The following PHKG2 variants were observed in gnomAD, a reference collection of about 807,000 sequenced individuals.
PHKG2 encodes the protein phosphorylase b kinase gamma catalytic chain, liver/testis isoform.
A neutral mutation model predicts 44.5 loss-of-function variants in PHKG2; 28 were observed. The observed-to-expected ratio is 0.63, with a 90% confidence interval of 0.47 to 0.86. PHKG2 has a LOEUF of 0.86. Among genes scored for constraint, PHKG2 ranks in the 40% least tolerant of loss-of-function variants. The pLI is 0.00. For missense variants in PHKG2, 498 were observed against 547.5 expected, an observed-to-expected ratio of 0.91 and a Z score of 0.90; for synonymous variants, 220 against 211.2, an observed-to-expected ratio of 1.04 and a Z score of -0.36.
At chr16:30,753,072 C>T in intron 4 of PHKG2, 160 bp from the exon 5 acceptor site, 1 of 701,334 alleles carries the variant, frequency 1.4e-6, no homozygotes, top group Non-Finnish European at 2.6e-6. Context: ...CACACCAGGC[C>T]AAACTGCCTT....
At chr16:30,756,122 A>G in intron 6 of PHKG2, 60 bp from the exon 7 acceptor site, 1 of 1,241,290 alleles carries the variant, frequency 8.1e-7, no homozygotes, top group Non-Finnish European at 1.2e-6. Context: ...GCAGAGATCC[A>G]GTGCTAAGGG....
chr16:30,749,965 A>AGG (rs568266490), intron 2 of PHKG2, among the ~76,000 whole-genome samples: 1 of 107,614 alleles, frequency 9.3e-6, no homozygotes, highest in African/African-American at 2.9e-5. Flanking sequence ...GTAGGAGTTC[A>AGG]GGGGGGGGTC....
intron 7 of PHKG2, 22 bp from the exon 8 acceptor site, chr16:30,756,345 C>T: frequency 3.1e-6 from 5 of 1,614,178 alleles, no homozygotes; most frequent in Non-Finnish European, 3.4e-6. Context: ...CTAGTCCCGC[C>T]TGACTCCAGT....
chr16:30,748,694 C>T (rs2053287253), intron 1 of PHKG2, 109 bp from the exon 2 acceptor site: 2 of 447,942 alleles, frequency 4.5e-6, no homozygotes, highest in East Asian at 4.5e-5. Flanking sequence ...CCCCACCCCC[C>T]AGGACCCTGG....
chr16:30,749,139 C>CTGG lies in PHKG2; in HGVS notation c.95+227_95+229dup, dbSNP rs1414193475. Among the ~76,000 whole-genome samples, 100 of 76,024 alleles carry CTGG rather than the reference C, an allele frequency of 1.3e-3. 11 individuals are homozygous for CTGG. In the East Asian group the frequency reaches 0.016, roughly 12 times the overall value. The allele number at this position is 76,024 out of a possible 152,430, so 49.9% of individuals were successfully genotyped here. A position where few individuals can be genotyped will look rare whatever the true frequency, so the allele number is the denominator to read the frequency against. ...GGTGCTGGTGCTGGTGGTGGTGGTG[C>CTGG]TGGTGCTGGTGGTGGTGCTGGTGGT... On this transcript the variant is annotated intron_variant, in intron 2 of 9. Transcript: ENST00000563588.
At position 30,757,762 on chromosome 16, in the gene PHKG2, T is replaced by C. The variant is rs549706731; in HGVS notation, c.*665T>C. 1.9e-4 allele frequency: 283 copies of C among 1,463,108 alleles called. No individual in the cohort carries two copies. Among genetic ancestry groups the C allele is most frequent in the Middle Eastern group, 7.6e-4 (3 of 3,960 alleles). The allele number at this position is 1,463,108 out of a possible 1,614,324, so 90.6% of individuals were successfully genotyped here. On this transcript the variant is annotated 3_prime_UTR_variant, in exon 10 of 10. Coordinates refer to ENST00000563588, the MANE Select transcript of PHKG2 (RefSeq NM_000294.3). ...CCCCAAATTTCCCCTGGTGGGGATATAGAGGTAGCAATGTTGTTTCCCTTT... is the reference window on the plus strand; with the variant it reads ...CCCCAAATTTCCCCTGGTGGGGATACAGAGGTAGCAATGTTGTTTCCCTTT...
chr16:30,757,718 C>G lies in PHKG2; in HGVS notation c.*621C>G. The G allele has an allele frequency of 6.5e-7, 1 of 1,528,480 alleles. No individual in the cohort carries two copies. The highest frequency in any genetic ancestry group is 1.4e-5 in the African/African-American group (1 of 72,406). The allele number at this position is 1,528,480 out of a possible 1,614,324, so 94.7% of individuals were successfully genotyped here. The stretch of plus-strand genomic sequence containing the variant: ...TGCTGTCTGGCAATGGGGGGATGGT[C>G]CCTAGTTGGGCAAACAGTCCCCAAA... On this transcript the variant is annotated 3_prime_UTR_variant, in exon 10 of 10. Coordinates refer to ENST00000563588, the MANE Select transcript of PHKG2 (RefSeq NM_000294.3).
In PHKG2 at chr16:30,756,349, C is replaced by G; in HGVS notation, c.648-18C>G. The G allele has an allele frequency of 6.2e-7, 1 of 1,614,194 alleles. No individual in the cohort carries two copies. Among genetic ancestry groups the G allele is most frequent in the Non-Finnish European group, 8.5e-7 (1 of 1,180,026 alleles). On this transcript the variant is annotated intron_variant, in intron 7 of 9. Transcript: ENST00000563588. ...CTGCCCGTCACCTAGTCCCGCCTGA[C>G]TCCAGTCTCTTTCCCAGCTGGGCCT... is the stretch of plus-strand genomic sequence containing the variant.
At position 30,756,582 on chromosome 16, in the gene PHKG2, T is replaced by G; in HGVS notation, c.802-8T>G. ...AGAGCTGCCCCTCATGCTCTGGGTC[T>G]CTCCTAGATCTCCAGGCTGCTGCAG... On this transcript the variant is annotated splice_region_variant and splice_polypyrimidine_tract_variant and intron_variant, in intron 8 of 9. Transcript: ENST00000563588. The G allele has an allele frequency of 6.2e-7, 1 of 1,613,670 alleles. No individual in the cohort carries two copies. Among genetic ancestry groups the G allele is most frequent in the Non-Finnish European group, 8.5e-7 (1 of 1,179,996 alleles).
intron 2 of PHKG2, among the ~76,000 whole-genome samples, chr16:30,750,102 G>A (rs573102395): frequency 3.3e-5 from 5 of 152,272 alleles, no homozygotes; most frequent in South Asian, 2.1e-4. Context: ...TAGTGGTTGC[G>A]CAGGAAATTG....
rs1188121738 is a variant in PHKG2 at position 30,748,504 on chromosome 16, A to G, written c.-19+14A>G. The stretch of plus-strand genomic sequence containing the variant: ...CTGCCCCCTCAGGTGAGCCTGCGCT[A>G]GACCCCCGTCCCCTTCCTGCGCCCG... On this transcript the variant is annotated intron_variant, in intron 1 of 9. Transcript: ENST00000563588. 4.6e-6 allele frequency: 2 copies of G among 438,612 alleles called. No individual in the cohort carries two copies. The highest frequency in any genetic ancestry group is 8.3e-6 in the Non-Finnish European group (2 of 241,294). The allele number at this position is 438,612 out of a possible 1,614,324, so 27.2% of individuals were successfully genotyped here. A position where few individuals can be genotyped will look rare whatever the true frequency, so the allele number is the denominator to read the frequency against.
intron 4 of PHKG2, chr16:30,751,939 A>C: frequency 3.0e-6 from 1 of 328,912 alleles, no homozygotes; most frequent in Non-Finnish European, 6.0e-6. Flanking sequence ...TAAAAATACA[A>C]AAAATCAGCC....
In PHKG2 at chr16:30,757,867, C is replaced by G; in HGVS notation, c.*770C>G. The G allele has an allele frequency of 7.4e-7, 1 of 1,346,110 alleles. No homozygotes were observed. Among genetic ancestry groups the G allele is most frequent in the Non-Finnish European group, 9.7e-7 (1 of 1,036,208 alleles). 83.4% of individuals were successfully genotyped at this position (1,346,110 alleles called of 1,614,324 possible). A position where few individuals can be genotyped will look rare whatever the true frequency, so the allele number is the denominator to read the frequency against. ...GGACTTTGCAGCTTCAAATTCTGAT[C>G]CCTACTCAGTAGCTGTGTGACCTTA... On this transcript the variant is annotated 3_prime_UTR_variant, in exon 10 of 10. Coordinates refer to ENST00000563588, the MANE Select transcript of PHKG2 (RefSeq NM_000294.3).
Position 30,759,668 on chromosome 16 carries a change from A to C in PHKG2, c.*2571A>C. The C allele has an allele frequency of 1.2e-6, 2 of 1,613,970 alleles. No individual in the cohort carries two copies. The highest frequency in any genetic ancestry group is 1.7e-6 in the Non-Finnish European group (2 of 1,180,006). Reference sequence around the variant, plus strand: ...GGGGAACTGACCCTGACTCCATGGCAAAAAAGGACACTGGTGAAGTAGCGG... The same window carrying C: ...GGGGAACTGACCCTGACTCCATGGCCAAAAAGGACACTGGTGAAGTAGCGG... On this transcript the variant is annotated 3_prime_UTR_variant, in exon 10 of 10. Transcript: ENST00000563588.
chr16:30,753,381 C>T lies in PHKG2; in HGVS notation c.393-13C>T. On this transcript the variant is annotated splice_polypyrimidine_tract_variant and intron_variant, in intron 5 of 9. Transcript: ENST00000563588. ...GCCGAGGAGGAGACTGCACCCGCCT[C>T]CCCTTCCCCCAGGTCCATCATGCGG... 6.2e-7 allele frequency: 1 copy of T among 1,614,132 alleles called. No individual in the cohort carries two copies. Among genetic ancestry groups the T allele is most frequent in the Non-Finnish European group, 8.5e-7 (1 of 1,180,006 alleles).
At chr16:30,753,184 G>A (rs1322059403) in intron 4 of PHKG2, 48 bp from the exon 5 acceptor site, 7 of 1,440,978 alleles carry the variant, frequency 4.9e-6, no homozygotes. Context: ...TGTTTTCTCA[G>A]CCCCCACTGT....
In PHKG2 at chr16:30,749,130, G is replaced by C. The variant is rs562323588; in HGVS notation, c.95+215G>C. On this transcript the variant is annotated intron_variant, in intron 2 of 9. Coordinates refer to ENST00000563588, the MANE Select transcript of PHKG2 (RefSeq NM_000294.3). ...GCTGCTGGTGGTGCTGGTGCTGGTG[G>C]TGGTGGTGCTGGTGCTGGTGGTGGT... is the stretch of plus-strand genomic sequence containing the variant. 7.7e-3 allele frequency among the ~76,000 whole-genome samples: 425 copies of C among 55,380 alleles called. 125 individuals are homozygous for C. Among genetic ancestry groups the C allele is most frequent in the African/African-American group, 0.036 (333 of 9,352 alleles). 36.3% of individuals were successfully genotyped at this position (55,380 alleles called of 152,430 possible).
Position 30,751,732 on chromosome 16 carries a change from C to T in PHKG2, c.326+129C>T. The stretch of plus-strand genomic sequence containing the variant: ...TGTTCCAGCTGGGGCTCTCTATCAC[C>T]TGGGCCTGCCTGCTAGCGCATGGCT... On this transcript the variant is annotated intron_variant, in intron 4 of 9. Coordinates refer to ENST00000563588, the MANE Select transcript of PHKG2 (RefSeq NM_000294.3). The T allele has an allele frequency of 4.8e-6, 4 of 841,432 alleles. No homozygotes were observed. The South Asian group carries it at 5.3e-5, about 11-fold the overall frequency. The allele number at this position is 841,432 out of a possible 1,614,324, so 52.1% of individuals were successfully genotyped here.
chr16:30,748,582 G>A, intron 1 of PHKG2, 92 bp downstream of exon 1: 1 of 544,234 alleles, frequency 1.8e-6, no homozygotes, highest in South Asian at 2.4e-5. Context: ...CCTTCCCCCT[G>A]CCTCCTGGGC....
Sources: gnomAD v4.1 joint callset for allele counts (sites outside exome capture counted in the v4.1 genomes callset) on GRCh38, gnomAD v4.1.1 for gene constraint, MANE v1.5 for transcripts, NCBI Gene and HGNC (gene_info 2026-07-23, HGNC 2026-07-21) for gene names.